PARD3B: variants seen among roughly 807,000 people sequenced by gnomAD.
PARD3B encodes the protein partitioning defective 3 homolog B.
In PARD3B, 103 loss-of-function variants were observed where a neutral mutation model predicts 130.2. The ratio of observed to expected loss-of-function variants is 0.79; its 90% CI spans 0.67 to 0.93. The LOEUF (loss-of-function observed/expected upper bound fraction) is 0.93. Among genes scored for constraint, PARD3B ranks in the 40% least tolerant of loss-of-function variants. The pLI is 0.00. For missense variants in PARD3B, 1,609 were observed against 1,499.2 expected (o/e 1.07, Z -1.21); for synonymous variants, 583 against 553.2 (o/e 1.05, Z -0.76).
At chr2:204,612,606 A>G (rs998899494) in intron 1 of PARD3B, among the ~76,000 whole-genome samples, 5 of 152,138 alleles carry the variant, frequency 3.3e-5, no homozygotes, top group African/African-American at 1.2e-4. Flanking sequence ...TATTTTGTTA[A>G]TATGTATTTA....
At chr2:204,655,984 G>T (rs1017915200) in intron 1 of PARD3B, among the ~76,000 whole-genome samples, 1 of 151,968 alleles carries the variant, frequency 6.6e-6, no homozygotes, top group Non-Finnish European at 1.5e-5. Context: ...ACTTATCTTT[G>T]GTGGCTTCTT....
intron 2 of PARD3B, among the ~76,000 whole-genome samples, chr2:204,826,533 G>A (rs1258316367): frequency 2.0e-5 from 3 of 152,086 alleles, no homozygotes; most frequent in Admixed American, 2.0e-4. Context: ...AAGATATTCA[G>A]ATATTTATTG....
intron 3 of PARD3B, among the ~76,000 whole-genome samples, chr2:205,033,143 A>G (rs1390986761): frequency 6.6e-6 from 1 of 152,176 alleles, no homozygotes; most frequent in South Asian, 2.1e-4. Flanking sequence ...CAGACCAACA[A>G]CAATGCCCTA....
Position 205,440,378 on chromosome 2 carries a change from C to T in PARD3B, c.2750C>T (p.Ala917Val). 6.2e-7 allele frequency: 1 copy of T among 1,613,598 alleles called. No individual in the cohort carries two copies. Among genetic ancestry groups the T allele is most frequent in the Non-Finnish European group, 8.5e-7 (1 of 1,179,694 alleles). ...TGTACTGTATTTTTCAGGATTGGAGCAAAACATCAGGAGCTAAGGGAAAAG... is the reference window on the plus strand; with the variant it reads ...TGTACTGTATTTTTCAGGATTGGAGTAAAACATCAGGAGCTAAGGGAAAAG... The part of the protein sequence containing the change: ...KMKEERERIG[A>V]KHQELREKQA... The change falls in exon 20 of 23, where the codon GCA becomes GTA. Residue 917 changes from alanine to valine, a missense_variant. Ala to Val is a moderately conservative substitution (Grantham distance 64). Transcript: ENST00000406610. The surrounding 1 kb of genome is among the most constrained non-coding windows in gnomAD (Gnocchi z 4.2).
Position 205,133,436 on chromosome 2 carries a change from A to G in PARD3B, c.1434+7699A>G, listed in dbSNP as rs368813228. On this transcript the variant is annotated intron_variant, in intron 10 of 22. Transcript: ENST00000406610. ...AGATTGCCAGGCTCCCTCCACACCT[A>G]CTGAACCAGAAATTCTGGAGGTGGG... Among the ~76,000 whole-genome samples the G allele has an allele frequency of 5.9e-5, 9 of 152,292 alleles. No homozygotes were observed. The East Asian group carries it at 1.7e-3, about 29-fold the overall frequency.
intron 21 of PARD3B, among the ~76,000 whole-genome samples, chr2:205,543,487 G>T (rs938760103): frequency 6.6e-6 from 1 of 152,096 alleles, no homozygotes; most frequent in East Asian, 1.9e-4. Flanking sequence ...GGGTTCATTT[G>T]AACTTTCCAG....
intron 18 of PARD3B, among the ~76,000 whole-genome samples, chr2:205,392,692 G>A (rs1415195758): frequency 6.6e-6 from 1 of 152,022 alleles, no homozygotes. Flanking sequence ...ATCCTACAAG[G>A]CAAATCCCTA....
chr2:204,734,515 C>G (rs1479206463), intron 2 of PARD3B, among the ~76,000 whole-genome samples: 3 of 152,126 alleles, frequency 2.0e-5, no homozygotes, highest in Admixed American at 2.0e-4. Flanking sequence ...TATCCGTCAC[C>G]TGGTAAGCAG....
chr2:205,152,882 A>G (rs552948508), intron 10 of PARD3B, among the ~76,000 whole-genome samples: 2 of 152,068 alleles, frequency 1.3e-5, no homozygotes, highest in East Asian at 1.9e-4. Context: ...TTTTTTCCCC[A>G]TCTTTGTGGT....
At chr2:204,554,962 A>G (rs1476125480) in intron 1 of PARD3B, among the ~76,000 whole-genome samples, 1 of 152,234 alleles carries the variant, frequency 6.6e-6, no homozygotes, top group Non-Finnish European at 1.5e-5. Flanking sequence ...CTGTTTCTGC[A>G]AACAATATGG....
chr2:205,138,029 C>T (rs971616775), intron 10 of PARD3B, among the ~76,000 whole-genome samples: 6 of 152,042 alleles, frequency 3.9e-5, no homozygotes, highest in African/African-American at 1.2e-4. Context: ...TCATGGAGTC[C>T]GATAGGGAAG....
chr2:204,780,872 G>A (rs150811919), intron 2 of PARD3B, among the ~76,000 whole-genome samples: 1 of 151,468 alleles, frequency 6.6e-6, no homozygotes, highest in Non-Finnish European at 1.5e-5. Context: ...TTCCATCTGA[G>A]CCAGAAAGAA....
chr2:205,160,113 C>A lies in PARD3B; in HGVS notation c.1620+1206C>A, dbSNP rs2125715817. 6.6e-6 allele frequency among the ~76,000 whole-genome samples: 1 copy of A among 152,296 alleles called. No individual in the cohort carries two copies. Among genetic ancestry groups the A allele is most frequent in the South Asian group, 2.1e-4 (1 of 4,822 alleles). ...TTCAGACTAGATGTGGAGATAATGC[C>A]TTTTTCACTGGGAAATAAATGTACT... On this transcript the variant is annotated intron_variant, in intron 11 of 22. Coordinates refer to ENST00000406610, the MANE Select transcript of PARD3B (RefSeq NM_001302769.2). This position sits in a 1 kb window ranked among gnomAD's most constrained non-coding sequence, Gnocchi z 4.0.
chr2:205,145,040 T>G (rs937889540), intron 10 of PARD3B, among the ~76,000 whole-genome samples: 3 of 152,200 alleles, frequency 2.0e-5, no homozygotes, highest in African/African-American at 7.2e-5. Context: ...ATACATTCAC[T>G]GGGTCCTCTA....
At chr2:205,517,778 G>A (rs2050854768) in intron 21 of PARD3B, among the ~76,000 whole-genome samples, 1 of 152,146 alleles carries the variant, frequency 6.6e-6, no homozygotes, top group African/African-American at 2.4e-5. Flanking sequence ...ATTCTGGTAT[G>A]TTGTGTTTTG....
At chr2:205,503,987 G>A (rs2050255919) in intron 21 of PARD3B, among the ~76,000 whole-genome samples, 1 of 152,044 alleles carries the variant, frequency 6.6e-6, no homozygotes, top group Non-Finnish European at 1.5e-5. Flanking sequence ...TCTGTTATTG[G>A]TGTATAAGAA....
chr2:205,204,293 T>C (rs752994124), intron 15 of PARD3B, among the ~76,000 whole-genome samples: 4 of 152,140 alleles, frequency 2.6e-5, no homozygotes, highest in Non-Finnish European at 4.4e-5. Flanking sequence ...CACTTTTTGA[T>C]GGGGTTGTTT....
At chr2:205,380,279 TATATAAAG>T (rs2045285470) in intron 18 of PARD3B, among the ~76,000 whole-genome samples, 3 of 21,746 alleles carry the variant, frequency 1.4e-4, no homozygotes, top group African/African-American at 4.6e-4. Flanking sequence ...TATTATATAA[TATATAAAG>T]AATATATATT....
rs534932590 is a variant in PARD3B at position 204,920,255 on chromosome 2, C to T, written c.223-44897C>T. On this transcript the variant is annotated intron_variant, in intron 2 of 22. Transcript: ENST00000406610. ...AATGTATACACTTTCGAGCATTGAG[C>T]TTGATGTTACCTGTGGCAGTCACTT... 1.7e-4 allele frequency among the ~76,000 whole-genome samples: 26 copies of T among 152,244 alleles called. No individual in the cohort carries two copies. In the South Asian group the frequency reaches 5.0e-3, roughly 29 times the overall value.
Sources: allele counts gnomAD v4.1 joint callset (sites outside exome capture counted in the v4.1 genomes callset), GRCh38; gene constraint gnomAD v4.1.1; non-coding constraint Gnocchi (gnomAD v3.1); transcripts MANE v1.5; gene names NCBI Gene and HGNC (gene_info 2026-07-23, HGNC 2026-07-21).